Variants in RAD51B observed in about 807,000 individuals in gnomAD.
The protein encoded by RAD51B is RAD51 paralog B.
A neutral mutation model predicts 42.2 loss-of-function variants in RAD51B; 38 were observed. That is an observed-to-expected ratio of 0.90 (90% CI 0.70 to 1.18). The LOEUF is 1.18. Among genes scored for constraint, RAD51B ranks in the 50% most tolerant of loss-of-function variants. RAD51B has a pLI of 0.00. For synonymous variants in RAD51B, 154 were observed against 145.2 expected (o/e 1.06, Z -0.43); for missense variants, 373 against 400.7 (o/e 0.93, Z 0.59).
intron 5 of RAD51B, among the ~76,000 whole-genome samples, chr14:67,873,283 T>C (rs573671790): frequency 1.1e-4 from 17 of 152,202 alleles, no homozygotes; most frequent in African/African-American, 4.1e-4. Flanking sequence ...GCGAAGGACA[T>C]GAACAGACAC....
chr14:68,269,183 C>A (rs986137400), intron 7 of RAD51B, among the ~76,000 whole-genome samples: 2 of 152,212 alleles, frequency 1.3e-5, no homozygotes, highest in African/African-American at 4.8e-5. Context: ...AAAAGCTGTG[C>A]CTTCATGGGA....
chr14:68,038,743 G>A (rs1037620497), intron 7 of RAD51B, among the ~76,000 whole-genome samples: 23 of 152,074 alleles, frequency 1.5e-4, no homozygotes, highest in Non-Finnish European at 3.2e-4. Flanking sequence ...CAGCTCCCAA[G>A]ATCTAGTGAT....
rs139798313 is a variant in RAD51B, at chr14:67,847,263, C to G, written c.315+12067C>G. Reference sequence around the variant, plus strand: ...GCTGCGTCTAGTTGGCCATCTTGCCCCAGGGTCTTCTCTCTAATTTTAGGC... The same window carrying G: ...GCTGCGTCTAGTTGGCCATCTTGCCGCAGGGTCTTCTCTCTAATTTTAGGC... On this transcript the variant is annotated intron_variant, in intron 4 of 10. Coordinates refer to ENST00000471583, the MANE Select transcript of RAD51B (RefSeq NM_133510.4). Among the ~76,000 whole-genome samples, 939 of 151,938 alleles carry G rather than the reference C, an allele frequency of 6.2e-3. 6 individuals carry two copies. Among genetic ancestry groups the G allele is most frequent in the Non-Finnish European group, 9.7e-3 (660 of 67,976 alleles).
Position 68,499,505 on chromosome 14 carries a change from G to T in RAD51B, c.1036+31255G>T, listed in dbSNP as rs572653878. ...TTTTGCAGGGTTAGTGGATGCAGTA[G>T]GTTAAATGGTGGCTCCCAAAAAGAT... On this transcript the variant is annotated intron_variant, in intron 10 of 10. Transcript: ENST00000487270. 2.9e-4 allele frequency among the ~76,000 whole-genome samples: 44 copies of T among 152,306 alleles called. 2 individuals are homozygous for T. Among genetic ancestry groups the T allele is most frequent in the Middle Eastern group, 3.4e-3 (1 of 294 alleles).
chr14:68,636,163 C>T (rs911712136), intron 10 of RAD51B, among the ~76,000 whole-genome samples: 2 of 152,142 alleles, frequency 1.3e-5, no homozygotes, highest in East Asian at 1.9e-4. Context: ...AGGGGAGGCC[C>T]GACTGGGGTA....
rs180716272 is a variant in RAD51B, at chr14:68,167,828, C to T, written c.757-124056C>T. ...ATTATACTCCCTGCCCTCTTTAGCA[C>T]TTTATAGGTACAAAGTCCTCCCATA... On this transcript the variant is annotated intron_variant, in intron 7 of 10. Coordinates refer to ENST00000471583, the MANE Select transcript of RAD51B (RefSeq NM_133510.4). Among the ~76,000 whole-genome samples the T allele has an allele frequency of 9.9e-5, 15 of 152,194 alleles. No homozygotes were observed. In the East Asian group the frequency reaches 2.9e-3, roughly 29 times the overall value.
intron 5 of RAD51B, among the ~76,000 whole-genome samples, chr14:67,880,545 T>C (rs1041792048): frequency 3.9e-5 from 6 of 152,212 alleles, no homozygotes; most frequent in Non-Finnish European, 7.3e-5. Flanking sequence ...CAATGGGCCA[T>C]AGTGCACAGT....
chr14:68,092,439 G>T (rs1317374310), intron 7 of RAD51B, among the ~76,000 whole-genome samples: 1 of 152,060 alleles, frequency 6.6e-6, no homozygotes, highest in Non-Finnish European at 1.5e-5. Context: ...CGATTCCTAG[G>T]TATTTTATTC....
At chr14:68,320,773 CCA>C (rs780255008) in intron 8 of RAD51B, among the ~76,000 whole-genome samples, 92 of 152,310 alleles carry the variant, frequency 6.0e-4, no homozygotes, top group Non-Finnish European at 1.0e-3. Context: ...CCCTTCCATC[CCA>C]TCATCTGCTG....
chr14:68,372,164 A>T (rs1376515378), intron 8 of RAD51B, among the ~76,000 whole-genome samples: 2 of 152,198 alleles, frequency 1.3e-5, no homozygotes, highest in Non-Finnish European at 2.9e-5. Context: ...GAGGACTGAG[A>T]ATTGACCCTT....
At chr14:68,545,412 G>T in intron 10 of RAD51B, 1 of 338,410 alleles carries the variant, frequency 3.0e-6, no homozygotes, top group Non-Finnish European at 5.9e-6. Context: ...CTTGCTTCAG[G>T]CTCTTCACAG....
chr14:68,623,061 G>A (rs1891990954), intron 10 of RAD51B, among the ~76,000 whole-genome samples: 1 of 152,200 alleles, frequency 6.6e-6, no homozygotes, highest in Non-Finnish European at 1.5e-5. Flanking sequence ...GAGGCAAGGG[G>A]AGAATAGCAC....
At chr14:67,840,605 G>T (rs920828043) in intron 4 of RAD51B, among the ~76,000 whole-genome samples, 1 of 152,172 alleles carries the variant, frequency 6.6e-6, no homozygotes, top group African/African-American at 2.4e-5. Flanking sequence ...GAGTGCATAT[G>T]TCTTTTTGGT....
intron 10 of RAD51B, among the ~76,000 whole-genome samples, chr14:68,581,709 A>C (rs1890215703): frequency 6.6e-6 from 1 of 152,208 alleles, no homozygotes; most frequent in Non-Finnish European, 1.5e-5. Flanking sequence ...AGACAATCCT[A>C]AGCAAAAAGA....
intron 7 of RAD51B, among the ~76,000 whole-genome samples, chr14:68,010,592 T>C (rs1156614183): frequency 3.3e-5 from 5 of 151,838 alleles, no homozygotes. Context: ...TCAGAAGAAT[T>C]CAGATGCTTA....
At chr14:68,338,352 C>T (rs935119803) in intron 8 of RAD51B, among the ~76,000 whole-genome samples, 3 of 152,184 alleles carry the variant, frequency 2.0e-5, no homozygotes, top group Non-Finnish European at 4.4e-5. Context: ...TGTACATCTG[C>T]TTTCTTTCTT....
chr14:68,634,181 G>C (rs929342025), intron 10 of RAD51B, among the ~76,000 whole-genome samples: 2 of 152,120 alleles, frequency 1.3e-5, no homozygotes, highest in Non-Finnish European at 2.9e-5. Flanking sequence ...GGGTAAAATG[G>C]CACCTACCTC....
chr14:68,644,148 CA>C (rs766424783), intron 10 of RAD51B, among the ~76,000 whole-genome samples: 1 of 152,226 alleles, frequency 6.6e-6, no homozygotes, highest in Non-Finnish European at 1.5e-5. Flanking sequence ...CTAATTCCTG[CA>C]ACGAGCATTT....
chr14:68,113,217 G>A (rs1017935579), intron 7 of RAD51B, among the ~76,000 whole-genome samples: 1 of 152,054 alleles, frequency 6.6e-6, no homozygotes, highest in African/African-American at 2.4e-5. Flanking sequence ...ATTGAAAGCT[G>A]TAATATAATT....
Sources: allele counts gnomAD v4.1 joint callset (sites outside exome capture counted in the v4.1 genomes callset), GRCh38; gene constraint gnomAD v4.1.1; transcripts MANE v1.5; gene names NCBI Gene and HGNC (gene_info 2026-07-23, HGNC 2026-07-21).